Variants in MGAT5 observed in about 807,000 individuals in gnomAD.
The protein encoded by MGAT5 is alpha-1,6-mannosylglycoprotein 6-beta-N-acetylglucosaminyltransferase, also known as alpha-1,6-mannosylglycoprotein 6-beta-N-acetylglucosaminyltransferase A.
A neutral mutation model predicts 94.3 loss-of-function variants in MGAT5; 30 were observed. That is an observed-to-expected ratio of 0.32 (90% CI 0.24 to 0.43). The LOEUF (loss-of-function observed/expected upper bound fraction) is 0.43. Ranked by LOEUF, MGAT5 falls within the 20% of genes least tolerant of loss-of-function variation. The probability of loss-of-function intolerance (pLI) is 1.00; values close to 1 mark genes in which losing one functional copy is unlikely to be tolerated. For synonymous variants in MGAT5, 310 were observed against 322.9 expected (o/e 0.96, Z 0.43); for missense variants, 691 against 905.5 (o/e 0.76, Z 3.04).
intron 2 of MGAT5, among the ~76,000 whole-genome samples, chr2:134,306,930 G>T (rs1049375911): frequency 3.9e-5 from 6 of 152,088 alleles, no homozygotes; most frequent in Non-Finnish European, 7.4e-5. Context: ...GGACATGCGG[G>T]TGCTACTCTC....
At chr2:134,377,551 A>C (rs1169549399) in intron 10 of MGAT5, among the ~76,000 whole-genome samples, 1 of 152,222 alleles carries the variant, frequency 6.6e-6, no homozygotes, top group Non-Finnish European at 1.5e-5. Flanking sequence ...TCTAGTAACA[A>C]GGTAGAAAGG....
intron 10 of MGAT5, among the ~76,000 whole-genome samples, chr2:134,377,813 C>T (rs1023297282): frequency 9.9e-5 from 15 of 152,122 alleles, no homozygotes; most frequent in African/African-American, 3.4e-4. Context: ...TTCCTGTTAG[C>T]CGGAGCAAAA....
chr2:134,155,675 CTCT>C (rs1008960885), intron 1 of MGAT5, among the ~76,000 whole-genome samples: 1 of 152,176 alleles, frequency 6.6e-6, no homozygotes, highest in Admixed American at 6.5e-5. Context: ...TTGGTCATAC[CTCT>C]GGCCCAGGTG....
chr2:134,131,130 C>T (rs936276317), intron 1 of MGAT5, among the ~76,000 whole-genome samples: 9 of 152,198 alleles, frequency 5.9e-5, no homozygotes, highest in African/African-American at 2.2e-4. Context: ...CTGGGAAGGT[C>T]TGCAGCTTCA....
At chr2:134,126,063 G>A (rs1017661525) in intron 1 of MGAT5, among the ~76,000 whole-genome samples, 2 of 152,190 alleles carry the variant, frequency 1.3e-5, no homozygotes, top group Admixed American at 6.5e-5. Context: ...CAGTGTCTGC[G>A]GAGTCCTAGA....
chr2:134,418,764 G>A (rs1684113227), intron 12 of MGAT5, among the ~76,000 whole-genome samples: 1 of 152,232 alleles, frequency 6.6e-6, no homozygotes, highest in African/African-American at 2.4e-5. Context: ...TCTCAAGCCT[G>A]AGAAGCATGA....
intron 4 of MGAT5, among the ~76,000 whole-genome samples, chr2:134,326,119 A>G (rs1687634903): frequency 6.7e-6 from 1 of 148,616 alleles, no homozygotes; most frequent in African/African-American, 2.5e-5. Flanking sequence ...CATTAAAGGT[A>G]CCTTCTTAAT....
Position 134,384,618 on chromosome 2 carries a change from G to A in MGAT5, c.1381-18370G>A, listed in dbSNP as rs566346706. ...CTCAAGTTCACATTTGATGGCACCA[G>A]AAGTACACTTACCTTTCGGAAGTTT... is the stretch of plus-strand genomic sequence containing the variant. On this transcript the variant is annotated intron_variant, in intron 10 of 15. Coordinates refer to ENST00000281923, the MANE Select transcript of MGAT5 (RefSeq NM_002410.5). Among the ~76,000 whole-genome samples, 4 of 152,278 alleles carry A rather than the reference G, an allele frequency of 2.6e-5. No individual in the cohort carries two copies. In the South Asian group the frequency reaches 8.3e-4, roughly 32 times the overall value.
chr2:134,193,118 ATTTTTTATTTTTT>A (rs1222780273), intron 1 of MGAT5, among the ~76,000 whole-genome samples: 1 of 139,374 alleles, frequency 7.2e-6, no homozygotes. Context: ...TTTTATTTTT[ATTTTTTATTTTTT>A]TTTTTTTTTG....
chr2:134,413,080 A>T lies in MGAT5; in HGVS notation c.1677+65A>T, dbSNP rs1036014234. On this transcript the variant is annotated intron_variant, in intron 12 of 15. Coordinates refer to ENST00000281923, the MANE Select transcript of MGAT5 (RefSeq NM_002410.5). ...AATAATAGCTATTTATTGAGTGCTC[A>T]TGTAGGTATTAACTTCATCTAACAT... 3.2e-6 allele frequency: 5 copies of T among 1,552,356 alleles called. No individual in the cohort carries two copies. In the African/African-American group the frequency reaches 5.5e-5, roughly 17 times the overall value.
At chr2:134,237,123 ATGTGTG>A (rs68003122) in intron 1 of MGAT5, among the ~76,000 whole-genome samples, 2 of 140,626 alleles carry the variant, frequency 1.4e-5, no homozygotes, top group African/African-American at 2.6e-5. Context: ...GAAGGAGTAT[ATGTGTG>A]TGTGTGTGTG....
chr2:134,325,893 C>T (rs1222814578), intron 4 of MGAT5, among the ~76,000 whole-genome samples: 2 of 152,048 alleles, frequency 1.3e-5, no homozygotes, highest in South Asian at 2.1e-4. Flanking sequence ...CATAACCTGG[C>T]TCTTTGCCCC....
At chr2:134,332,454 C>G (rs1558797958) in intron 4 of MGAT5, among the ~76,000 whole-genome samples, 2 of 152,164 alleles carry the variant, frequency 1.3e-5, no homozygotes, top group Admixed American at 6.5e-5. Context: ...GGATTAAAGA[C>G]TTAAATGTTA....
chr2:134,395,399 C>T (rs1485606355), intron 10 of MGAT5, among the ~76,000 whole-genome samples: 2 of 152,234 alleles, frequency 1.3e-5, no homozygotes, highest in Non-Finnish European at 2.9e-5. Context: ...GAGACCCACA[C>T]TGACCAGTTC....
intron 10 of MGAT5, among the ~76,000 whole-genome samples, chr2:134,366,201 C>CT (rs1680419754): frequency 6.6e-6 from 1 of 152,226 alleles, no homozygotes; most frequent in Admixed American, 6.5e-5. Context: ...GAACAGCAAT[C>CT]TGTCCAGTAT....
At chr2:134,385,350 C>G (rs1414027106) in intron 10 of MGAT5, among the ~76,000 whole-genome samples, 1 of 152,080 alleles carries the variant, frequency 6.6e-6, no homozygotes, top group South Asian at 2.1e-4. Flanking sequence ...TCATAATAAC[C>G]AGCAAAAAAT....
At chr2:134,133,794 G>C (rs1446165785) in intron 1 of MGAT5, among the ~76,000 whole-genome samples, 2 of 152,160 alleles carry the variant, frequency 1.3e-5, no homozygotes, top group East Asian at 3.9e-4. Flanking sequence ...TTGTTGATTG[G>C]TCGAAAAATG....
chr2:134,381,367 A>ATAGATAGATAGATAGG (rs1553457671), intron 10 of MGAT5, among the ~76,000 whole-genome samples: 4 of 109,980 alleles, frequency 3.6e-5, no homozygotes, highest in Admixed American at 3.6e-4. Flanking sequence ...AGATAGATAG[A>ATAGATAGATAGATAGG]TAAGATAAGA....
chr2:134,381,402 A>G (rs904221986), intron 10 of MGAT5, among the ~76,000 whole-genome samples: 20 of 110,528 alleles, frequency 1.8e-4, no homozygotes, highest in Non-Finnish European at 3.4e-4. Flanking sequence ...AGATAGATAG[A>G]TAGATAGATA....
Sources: allele counts gnomAD v4.1 joint callset (sites outside exome capture counted in the v4.1 genomes callset), GRCh38; gene constraint gnomAD v4.1.1; transcripts MANE v1.5; gene names NCBI Gene and HGNC (gene_info 2026-07-23, HGNC 2026-07-21).